Variants in LRRC4C observed in about 807,000 individuals in gnomAD.
LRRC4C encodes the protein leucine rich repeat containing 4C, also known as leucine-rich repeat-containing protein 4C.
In LRRC4C, 5 loss-of-function variants were observed where a neutral mutation model predicts 33.6. The observed-to-expected ratio is 0.15, with a 90% CI of 0.08 to 0.31. The LOEUF is 0.31. LRRC4C is among the 10% of genes least tolerant of loss of function. The pLI, the probability that LRRC4C is intolerant of heterozygous loss-of-function variation, is 1.00. For missense variants in LRRC4C, 560 were observed against 796.7 expected (o/e 0.70, Z 3.58); for synonymous variants, 329 against 302.0 (o/e 1.09, Z -0.93).
intron 1 of LRRC4C, among the ~76,000 whole-genome samples, chr11:40,935,199 G>A (rs908684134): frequency 3.3e-5 from 5 of 152,012 alleles, no homozygotes; most frequent in Non-Finnish European, 7.4e-5. Context: ...ATGTAGTAGG[G>A]GCTTAAATAA....
chr11:41,175,963 G>A (rs528755947), intron 1 of LRRC4C, among the ~76,000 whole-genome samples: 1 of 152,186 alleles, frequency 6.6e-6, no homozygotes, highest in East Asian at 1.9e-4. Flanking sequence ...TCTACCAGTA[G>A]GACTTCTGTT....
chr11:40,145,889 A>T (rs1211392780), intron 5 of LRRC4C, among the ~76,000 whole-genome samples: 1 of 152,232 alleles, frequency 6.6e-6, no homozygotes, highest in African/African-American at 2.4e-5. Context: ...TGCTGGGCAT[A>T]TACCAGGAAA....
At chr11:40,624,959 T>A (rs964783051) in intron 3 of LRRC4C, among the ~76,000 whole-genome samples, 1 of 152,064 alleles carries the variant, frequency 6.6e-6, no homozygotes, top group Non-Finnish European at 1.5e-5. Context: ...CTCAAAGGAA[T>A]AAATAATAAT....
At chr11:40,234,593 A>AC (rs1275838001) in intron 5 of LRRC4C, among the ~76,000 whole-genome samples, 2 of 152,100 alleles carry the variant, frequency 1.3e-5, no homozygotes. Flanking sequence ...ACATAGTGAG[A>AC]CCCCATCTCT....
At chr11:40,654,648 C>G (rs1374024942) in intron 2 of LRRC4C, among the ~76,000 whole-genome samples, 1 of 152,098 alleles carries the variant, frequency 6.6e-6, no homozygotes, top group East Asian at 1.9e-4. Flanking sequence ...TCAGATGAGA[C>G]TTTGAACTTT....
At chr11:40,513,391 A>G (rs1451032839) in intron 3 of LRRC4C, among the ~76,000 whole-genome samples, 1 of 152,148 alleles carries the variant, frequency 6.6e-6, no homozygotes, top group East Asian at 1.9e-4. Flanking sequence ...TGAAGGATAG[A>G]TGAGAATAAG....
At chr11:40,723,050 T>G (rs1311739824) in intron 2 of LRRC4C, among the ~76,000 whole-genome samples, 1 of 151,586 alleles carries the variant, frequency 6.6e-6, no homozygotes, top group East Asian at 1.9e-4. Flanking sequence ...CAGACAAAAA[T>G]AAAGAAAAAA....
intron 4 of LRRC4C, among the ~76,000 whole-genome samples, chr11:40,244,334 T>C (rs1170350249): frequency 6.6e-6 from 1 of 151,960 alleles, no homozygotes; most frequent in Non-Finnish European, 1.5e-5. Flanking sequence ...CTGTGTCCTC[T>C]CTCTCCCAAA....
intron 2 of LRRC4C, among the ~76,000 whole-genome samples, chr11:40,708,049 G>C (rs1946260351): frequency 6.6e-6 from 1 of 152,088 alleles, no homozygotes; most frequent in Non-Finnish European, 1.5e-5. Flanking sequence ...TGTGGGATCG[G>C]TGGTGACATC....
intron 1 of LRRC4C, among the ~76,000 whole-genome samples, chr11:41,080,970 A>G (rs1055078995): frequency 2.0e-4 from 30 of 152,202 alleles, no homozygotes; most frequent in Non-Finnish European, 5.9e-5. Flanking sequence ...CTATGTGTGT[A>G]AACTATTCTC....
chr11:40,422,975 G>A (rs1238922193), intron 3 of LRRC4C, among the ~76,000 whole-genome samples: 1 of 151,998 alleles, frequency 6.6e-6, no homozygotes, highest in Non-Finnish European at 1.5e-5. Flanking sequence ...AACAAAGTTA[G>A]CACACATTAA....
chr11:40,453,177 A>G (rs1462365058), intron 3 of LRRC4C, among the ~76,000 whole-genome samples: 1 of 130,032 alleles, frequency 7.7e-6, no homozygotes, highest in Non-Finnish European at 1.7e-5. Flanking sequence ...AACTTAAAGT[A>G]TAATAAAAAA....
chr11:41,141,720 C>T (rs1943515172), intron 1 of LRRC4C, among the ~76,000 whole-genome samples: 1 of 152,084 alleles, frequency 6.6e-6, no homozygotes, highest in Non-Finnish European at 1.5e-5. Context: ...GTGCCTCCCA[C>T]CATGATTGTA....
intron 1 of LRRC4C, among the ~76,000 whole-genome samples, chr11:41,044,065 T>A (rs979533152): frequency 6.6e-6 from 1 of 152,124 alleles, no homozygotes; most frequent in Admixed American, 6.6e-5. Flanking sequence ...ATTTTGATAA[T>A]CTTCAAACTG....
At chr11:40,894,912 G>C (rs1032760856) in intron 2 of LRRC4C, among the ~76,000 whole-genome samples, 5 of 151,986 alleles carry the variant, frequency 3.3e-5, no homozygotes, top group Non-Finnish European at 7.4e-5. Flanking sequence ...TTTCTTATCT[G>C]AGCCATCTTT....
At chr11:41,407,740 T>C (rs1954296827) in intron 1 of LRRC4C, among the ~76,000 whole-genome samples, 1 of 152,236 alleles carries the variant, frequency 6.6e-6, no homozygotes, top group Admixed American at 6.5e-5. Flanking sequence ...ATCGAGAATC[T>C]ATAGTGTCTT....
At chr11:40,253,772 TTC>T (rs1249792095) in intron 4 of LRRC4C, among the ~76,000 whole-genome samples, 1 of 152,126 alleles carries the variant, frequency 6.6e-6, no homozygotes, top group East Asian at 1.9e-4. Context: ...CAAATAACCT[TTC>T]TCTGTCTCAA....
At chr11:40,494,427 GA>G (rs1478831726) in intron 3 of LRRC4C, among the ~76,000 whole-genome samples, 1 of 152,126 alleles carries the variant, frequency 6.6e-6, no homozygotes, top group African/African-American at 2.4e-5. Context: ...TGCATTTCAA[GA>G]TAGAGAATAG....
At chr11:41,133,104 G>T (rs943291812) in intron 1 of LRRC4C, among the ~76,000 whole-genome samples, 1 of 152,086 alleles carries the variant, frequency 6.6e-6, no homozygotes, top group Non-Finnish European at 1.5e-5. Context: ...CAGAGTCTCT[G>T]GGAGATAAGA....
Sources: gnomAD v4.1 joint callset for allele counts (sites outside exome capture counted in the v4.1 genomes callset) on GRCh38, gnomAD v4.1.1 for gene constraint, MANE v1.5 for transcripts, NCBI Gene and HGNC (gene_info 2026-07-23, HGNC 2026-07-21) for gene names.